ATF4: variants seen among roughly 807,000 people sequenced by gnomAD.
ATF4 encodes the protein cyclic AMP-dependent transcription factor ATF-4.
In ATF4, 8 loss-of-function variants were observed where a neutral mutation model predicts 21.0. The ratio of observed to expected loss-of-function variants is 0.38; its 90% confidence interval spans 0.22 to 0.69. The LOEUF (loss-of-function observed/expected upper bound fraction) is 0.69, where lower values mean the gene tolerates loss of function less well. Among genes scored for constraint, ATF4 ranks in the 30% least tolerant of loss-of-function variants. ATF4 has a pLI of 0.49. For missense variants in ATF4, 549 were observed against 425.9 expected (o/e 1.29, Z -2.54); for synonymous variants, 241 against 166.4 (o/e 1.45, Z -3.45).
chr22:39,521,791 C>G lies in ATF4; in HGVS notation c.245C>G (p.Thr82Arg). The G allele has an allele frequency of 6.2e-7, 1 of 1,614,014 alleles. No individual in the cohort carries two copies. Residue 82 changes from threonine to arginine, a missense_variant, in exon 3 of 3, where the codon ACA becomes AGA. Coordinates refer to ENST00000674920, the MANE Select transcript of ATF4 (RefSeq NM_182810.3). ...NNSKEDAFSG[T>R]DWMLEKMDLK... The stretch of plus-strand genomic sequence containing the variant: ...TTTGCAGAGGATGCCTTCTCCGGGA[C>G]AGATTGGATGTTGGAGAAAATGGAT...
At position 39,522,347 on chromosome 22, in the gene ATF4, G is replaced by T; in HGVS notation, c.801G>T (p.Lys267Asn). 6.2e-7 allele frequency: 1 copy of T among 1,612,972 alleles called. No individual in the cohort carries two copies. The highest frequency in any genetic ancestry group is 1.1e-5 in the South Asian group (1 of 90,792). The change falls in exon 3 of 3, where the codon AAG (lysine) becomes AAT (asparagine). Residue 267 changes from lysine (K) to asparagine (N), a missense_variant. Lys to Asn is a moderately conservative substitution (Grantham distance 94, BLOSUM62 0). Coordinates refer to ENST00000674920, the MANE Select transcript of ATF4 (RefSeq NM_182810.3). ...RPKPYDPPGE[K>N]MVAAKVKGEK... ...AACCTTACGATCCTCCTGGAGAGAA[G>T]ATGGTAGCAGCAAAAGTAAAGGGTG...
At chr22:39,521,307 C>A in intron 1 of ATF4, 47 bp from the exon 2 acceptor site, 1 of 692,910 alleles carries the variant, frequency 1.4e-6, no homozygotes, top group Non-Finnish European at 2.4e-6. Flanking sequence ...ATGAAATTCT[C>A]AGAACAGCTA....
chr22:39,521,203 C>G (rs1361561375), intron 1 of ATF4, 151 bp from the exon 2 acceptor site: 1 of 318,494 alleles, frequency 3.1e-6, no homozygotes, highest in Admixed American at 4.6e-5. Context: ...TTTTGTGGAA[C>G]CTGAGTTGCA....
intron 2 of ATF4, 24 bp from the exon 3 acceptor site, chr22:39,521,749 C>T (rs761566773): frequency 5.1e-5 from 83 of 1,611,808 alleles, no homozygotes; most frequent in Non-Finnish European, 6.6e-5. Flanking sequence ...ACTCACTTGG[C>T]CCCATCACTC....
In ATF4 at chr22:39,522,667, A is replaced by G. The variant is rs1931045114; in HGVS notation, c.*65A>G. On this transcript the variant is annotated 3_prime_UTR_variant, in exon 3 of 3. Coordinates refer to ENST00000674920, the MANE Select transcript of ATF4 (RefSeq NM_182810.3). ...GTGCTGTAGCTGTGTGTTCCAATAA[A>G]TTATTTTGTAGGGAAAGTACTTGTG... 4 of 1,373,830 alleles carry G rather than the reference A, an allele frequency of 2.9e-6. No individual in the cohort carries two copies. Among genetic ancestry groups the G allele is most frequent in the Non-Finnish European group, 2.9e-6 (3 of 1,036,444 alleles). The allele number at this position is 1,373,830 out of a possible 1,614,324, so 85.1% of individuals were successfully genotyped here. A position where few individuals can be genotyped will look rare whatever the true frequency, so the allele number is the denominator to read the frequency against.
Position 39,522,636 on chromosome 22 carries a change from C to CATA in ATF4, c.*35_*37dup. The CATA allele has an allele frequency of 6.7e-7, 1 of 1,484,252 alleles. No individual in the cohort carries two copies. Among genetic ancestry groups the CATA allele is most frequent in the Non-Finnish European group, 9.0e-7 (1 of 1,109,736 alleles). The allele number at this position is 1,484,252 out of a possible 1,614,324, so 91.9% of individuals were successfully genotyped here. On this transcript the variant is annotated 3_prime_UTR_variant, in exon 3 of 3. Coordinates refer to ENST00000674920, the MANE Select transcript of ATF4 (RefSeq NM_182810.3). ...AGTCAGGAGCGTCAATGTGCTTGTA[C>CATA]ATAGAGTGCTGTAGCTGTGTGTTCC...
Position 39,521,523 on chromosome 22 carries a change from G to A in ATF4, c.78G>A (p.Gly26=). 4 of 1,610,710 alleles carry A rather than the reference G, an allele frequency of 2.5e-6. No homozygotes were observed. Among genetic ancestry groups the A allele is most frequent in the Non-Finnish European group, 3.4e-6 (4 of 1,178,680 alleles). The part of the protein sequence containing the change: ...LMSPFDQSGL[G]AEESLGLLDD... ...CCCCCTTCGACCAGTCGGGTTTGGGGGCTGAAGAAAGCCTAGGTCTCTTAG... is the reference window on the plus strand; with the variant it reads ...CCCCCTTCGACCAGTCGGGTTTGGGAGCTGAAGAAAGCCTAGGTCTCTTAG... The change falls in exon 2 of 3, where the codon GGG becomes GGA. Residue 26 remains glycine, a synonymous_variant. Transcript: ENST00000674920.
rs1217765625 is a variant in ATF4, at chr22:39,520,597, T to A, written c.-247T>A. 1 of 151,530 alleles carries A rather than the reference T, an allele frequency of 6.6e-6. No individual in the cohort carries two copies. The highest frequency in any genetic ancestry group is 1.5e-5 in the Non-Finnish European group (1 of 67,868). The allele number at this position is 151,530 out of a possible 1,614,324, so 9.4% of individuals were successfully genotyped here. ...TTGCCCGCCCACAGATGTAGTTTTC[T>A]CTGCGCGTGTGCGTTTTCCCTCCTC... On this transcript the variant is annotated 5_prime_UTR_variant, in exon 1 of 3. Transcript: ENST00000674920.
At position 39,522,260 on chromosome 22, in the gene ATF4, C is replaced by T. The variant is rs1463181079; in HGVS notation, c.714C>T (p.Thr238=). The change falls in exon 3 of 3, where the codon ACC becomes ACT. Residue 238 remains threonine, a synonymous_variant. Coordinates refer to ENST00000674920, the MANE Select transcript of ATF4 (RefSeq NM_182810.3). ...GGTCTCCTCAGCACAGCCCCTCTAC[C>T]AGGGGCTCTCCAAATAGGAGCCTCC... ...YLGSPQHSPS[T]RGSPNRSLPS... The T allele has an allele frequency of 1.2e-6, 2 of 1,607,364 alleles. No individual in the cohort carries two copies. The highest frequency in any genetic ancestry group is 1.7e-4 in the Middle Eastern group (1 of 6,038).
In ATF4 at chr22:39,520,723, C is replaced by G. The variant is rs1013354966; in HGVS notation, c.-121C>G. 6.5e-6 allele frequency: 1 copy of G among 153,580 alleles called. No homozygotes were observed. Among genetic ancestry groups the G allele is most frequent in the Non-Finnish European group, 1.5e-5 (1 of 68,612 alleles). 9.5% of individuals were successfully genotyped at this position (153,580 alleles called of 1,614,324 possible). ...GCGGCAGCAGCACCAGGCTCTGCAG[C>G]GGCAACCCCCAGCGGCTTAAGCCAT... is the stretch of plus-strand genomic sequence containing the variant. On this transcript the variant is annotated 5_prime_UTR_variant, in exon 1 of 3. Transcript: ENST00000674920.
chr22:39,521,900 C>T lies in ATF4; in HGVS notation c.354C>T (p.Asp118=), dbSNP rs1220115068. 6.2e-7 allele frequency: 1 copy of T among 1,614,100 alleles called. No homozygotes were observed. Among genetic ancestry groups the T allele is most frequent in the Non-Finnish European group, 8.5e-7 (1 of 1,179,978 alleles). The change falls in exon 3 of 3, where the codon GAC becomes GAT. Residue 118 remains aspartate, a synonymous_variant. Coordinates refer to ENST00000674920, the MANE Select transcript of ATF4 (RefSeq NM_182810.3). ...ATGACCTTCTGACCACGTTGGATGA[C>T]ACTTGTGATCTCTTTGCCCCCCTAG... ...MPDDLLTTLD[D]TCDLFAPLVQ...
chr22:39,521,682 C>T lies in ATF4; in HGVS notation c.226+11C>T, dbSNP rs376147271. 50 of 1,612,124 alleles carry T rather than the reference C, an allele frequency of 3.1e-5. No individual in the cohort carries two copies. Among genetic ancestry groups the T allele is most frequent in the Admixed American group, 5.0e-5 (3 of 59,912 alleles). On this transcript the variant is annotated intron_variant, in intron 2 of 2. Transcript: ENST00000674920. ...CCAACAACAGCAAGGGTGAGTGGGC[C>T]ACCACCACATCGTCCTGGTGGGATC...
intron 1 of ATF4, 50 bp downstream of exon 1, chr22:39,520,801 T>C (rs115378447): frequency 6.5e-6 from 1 of 152,702 alleles, no homozygotes; most frequent in Admixed American, 6.6e-5. Flanking sequence ...CCGGCGCGGG[T>C]TTTGGATTGG....
chr22:39,521,338 T>C lies in ATF4; in HGVS notation c.-92-16T>C. On this transcript the variant is annotated splice_polypyrimidine_tract_variant and intron_variant, in intron 1 of 2. Transcript: ENST00000674920. ...AGCTAACCTCTAATGGGAGTTGGCT[T>C]CTGATTCTCATTCAGGCTTCTCACG... is the stretch of plus-strand genomic sequence containing the variant. 1.0e-6 allele frequency: 1 copy of C among 977,526 alleles called. No homozygotes were observed. The highest frequency in any genetic ancestry group is 1.5e-6 in the Non-Finnish European group (1 of 653,656). 60.6% of individuals were successfully genotyped at this position (977,526 alleles called of 1,614,324 possible).
chr22:39,522,184 C>T lies in ATF4; in HGVS notation c.638C>T (p.Thr213Ile), dbSNP rs539627686. Residue 213 changes from threonine (T) to isoleucine (I), a missense_variant, in exon 3 of 3, where the codon ACC (threonine) becomes ATC (isoleucine). Coordinates refer to ENST00000674920, the MANE Select transcript of ATF4 (RefSeq NM_182810.3). ...MIPQCIKEED[T>I]PSDNDSGICM... ...CCTCAGTGCATAAAGGAGGAAGACA[C>T]CCCTTCAGATAATGATAGTGGCATC... The T allele has an allele frequency of 2.5e-5, 41 of 1,611,898 alleles. No homozygotes were observed. The highest frequency in any genetic ancestry group is 5.5e-5 in the South Asian group (5 of 90,920).
At position 39,521,879 on chromosome 22, in the gene ATF4, C is replaced by T. The variant is rs1005988092; in HGVS notation, c.333C>T (p.Asp111=). ...GIDDLETMPD[D]LLTTLDDTCD... Reference sequence around the variant, plus strand: ...ATGACCTGGAAACCATGCCAGATGACCTTCTGACCACGTTGGATGACACTT... The same window carrying T: ...ATGACCTGGAAACCATGCCAGATGATCTTCTGACCACGTTGGATGACACTT... The change falls in exon 3 of 3, where the codon GAC becomes GAT. Residue 111 remains aspartate, a synonymous_variant. Coordinates refer to ENST00000674920, the MANE Select transcript of ATF4 (RefSeq NM_182810.3). 29 of 1,614,042 alleles carry T rather than the reference C, an allele frequency of 1.8e-5. No homozygotes were observed. The highest frequency in any genetic ancestry group is 2.1e-5 in the Non-Finnish European group (25 of 1,180,030).
Position 39,522,087 on chromosome 22 carries a change from G to A in ATF4, c.541G>A (p.Glu181Lys), listed in dbSNP as rs536072398. Residue 181 changes from glutamate (E) to lysine (K), a missense_variant, in exon 3 of 3, where the codon GAG becomes AAG. Transcript: ENST00000674920. The stretch of plus-strand genomic sequence containing the variant: ...CACTCCAGATCATTCCTTTAGTTTA[G>A]AGCTGGGCAGTGAAGTGGATATCAC... Reference protein sequence around the residue: ...SSTPDHSFSLELGSEVDITEG... With the variant: ...SSTPDHSFSLKLGSEVDITEG... 3.1e-6 allele frequency: 5 copies of A among 1,613,790 alleles called. No individual in the cohort carries two copies. Among genetic ancestry groups the A allele is most frequent in the Non-Finnish European group, 3.4e-6 (4 of 1,179,870 alleles).
rs768004321 is a variant in ATF4 at position 39,522,059 on chromosome 22, C to T, written c.513C>T (p.Ser171=). The change falls in exon 3 of 3, where the codon TCC becomes TCT. Residue 171 remains serine, a synonymous_variant. Transcript: ENST00000674920. ...TTCCCCTTTCCCCAGGGGTCCTGTCCTCCACTCCAGATCATTCCTTTAGTT... is the reference window on the plus strand; with the variant it reads ...TTCCCCTTTCCCCAGGGGTCCTGTCTTCCACTCCAGATCATTCCTTTAGTT... ...QPLPLSPGVL[S]STPDHSFSLE... The T allele has an allele frequency of 2.5e-6, 4 of 1,613,832 alleles. No individual in the cohort carries two copies. The highest frequency in any genetic ancestry group is 2.2e-5 in the East Asian group (1 of 44,886).
Position 39,521,759 on chromosome 22 carries a change from C to CA in ATF4, c.227-11dup, listed in dbSNP as rs777275974. ...ATCTGACTCACTTGGCCCCATCACTCAAATGTTTTGCAGAGGATGCCTTCT... is the reference window on the plus strand; with the variant it reads ...ATCTGACTCACTTGGCCCCATCACTCAAAATGTTTTGCAGAGGATGCCTTCT... On this transcript the variant is annotated splice_polypyrimidine_tract_variant and intron_variant, in intron 2 of 2. Coordinates refer to ENST00000674920, the MANE Select transcript of ATF4 (RefSeq NM_182810.3). 133 of 1,613,064 alleles carry CA rather than the reference C, an allele frequency of 8.2e-5. No homozygotes were observed. The highest frequency in any genetic ancestry group is 1.1e-4 in the Non-Finnish European group (129 of 1,179,392).
Sources: gnomAD v4.1 joint callset for allele counts on GRCh38, gnomAD v4.1.1 for gene constraint, MANE v1.5 for transcripts, NCBI Gene and HGNC (gene_info 2026-07-23, HGNC 2026-07-21) for gene names.